Variants in KYAT1 observed in about 807,000 individuals in gnomAD.
KYAT1 encodes kynurenine--oxoglutarate transaminase 1.
In KYAT1, 47 loss-of-function variants were observed where a neutral mutation model predicts 52.4. That is an observed-to-expected ratio of 0.90 (90% confidence interval 0.71 to 1.14). The LOEUF is 1.14. KYAT1 is among the 50% of genes most tolerant of loss of function. The pLI is 0.00. For missense variants in KYAT1, 480 were observed against 557.9 expected, an observed-to-expected ratio of 0.86 and a Z score of 1.41; for synonymous variants, 212 against 209.6, an observed-to-expected ratio of 1.01 and a Z score of -0.10.
At chr9:128,837,642 G>T in intron 6 of KYAT1, 43 bp downstream of exon 6, 2 of 1,611,298 alleles carry the variant, frequency 1.2e-6, no homozygotes, top group South Asian at 2.2e-5. Flanking sequence ...CAGGAGACAT[G>T]ACCAGGTCCG....
chr9:128,865,336 TA>T, intron 1 of KYAT1, among the ~76,000 whole-genome samples: 122 of 2,176 alleles, frequency 0.056, 20 homozygotes, highest in African/African-American at 0.1. Context: ...TATATATATA[TA>T]TATATATATA....
chr9:128,866,006 T>C (rs770846235), intron 1 of KYAT1, among the ~76,000 whole-genome samples: 1 of 152,228 alleles, frequency 6.6e-6, no homozygotes, highest in Non-Finnish European at 1.5e-5. Flanking sequence ...GATTCTCTTC[T>C]GTTCATCTTT....
In KYAT1 at chr9:128,841,361, G is replaced by A. The variant is rs1832124508; in HGVS notation, c.201+1293C>T. Among the ~76,000 whole-genome samples the A allele has an allele frequency of 1.3e-5, 2 of 152,220 alleles. 1 individual carries two copies. Among genetic ancestry groups the A allele is most frequent in the Middle Eastern group, 6.8e-3 (2 of 294 alleles). The stretch of plus-strand genomic sequence containing the variant: ...CTACTAAAAATACAAAAATTAGCTG[G>A]GCATGGTGGCGGGCGCCTGTAATCC... On this transcript the variant is annotated intron_variant, in intron 3 of 12. Transcript: ENST00000302586.
intron 1 of KYAT1, among the ~76,000 whole-genome samples, chr9:128,862,358 T>C (rs902400882): frequency 5.3e-5 from 8 of 152,334 alleles, no homozygotes; most frequent in African/African-American, 1.9e-4. Context: ...TCTGTCCCAA[T>C]ACTTTTGTCA....
At chr9:128,879,304 C>T (rs1467189296) in intron 1 of KYAT1, among the ~76,000 whole-genome samples, 14 of 150,442 alleles carry the variant, frequency 9.3e-5, no homozygotes, top group Admixed American at 3.3e-4. Context: ...AGTGAGACTC[C>T]GTCTCAAAAA....
At chr9:128,840,037 G>A (rs1304661718) in intron 3 of KYAT1, among the ~76,000 whole-genome samples, 2 of 151,872 alleles carry the variant, frequency 1.3e-5, no homozygotes, top group African/African-American at 4.8e-5. Flanking sequence ...ATAAAACTGA[G>A]ACTCTGTCTT....
chr9:128,862,566 C>T (rs1486357988), intron 1 of KYAT1, among the ~76,000 whole-genome samples: 2 of 152,372 alleles, frequency 1.3e-5, no homozygotes, highest in Middle Eastern at 3.4e-3. Flanking sequence ...CTCTGCCCTG[C>T]CCCAGCCTTG....
intron 1 of KYAT1, among the ~76,000 whole-genome samples, chr9:128,863,691 G>C (rs1835775625): frequency 6.6e-6 from 1 of 152,150 alleles, no homozygotes; most frequent in African/African-American, 2.4e-5. Context: ...AACTTGGCCA[G>C]GTTGGTTGGG....
chr9:128,861,125 A>C (rs752026585), intron 1 of KYAT1, among the ~76,000 whole-genome samples: 3 of 152,232 alleles, frequency 2.0e-5, no homozygotes, highest in Non-Finnish European at 2.9e-5. Flanking sequence ...GCCAAACGCA[A>C]TACAATGAAG....
intron 1 of KYAT1, among the ~76,000 whole-genome samples, chr9:128,876,621 A>T (rs1336391472): frequency 6.8e-6 from 1 of 148,084 alleles, no homozygotes; most frequent in East Asian, 2.0e-4. Flanking sequence ...GGGTTTCACC[A>T]TGTTAGCCAG....
intron 1 of KYAT1, among the ~76,000 whole-genome samples, chr9:128,878,527 T>G (rs1838342007): frequency 6.6e-6 from 1 of 152,092 alleles, no homozygotes; most frequent in Non-Finnish European, 1.5e-5. Flanking sequence ...GAATCCAAAT[T>G]TTTTTTGATA....
chr9:128,840,813 C>T, intron 3 of KYAT1: 1 of 294,918 alleles, frequency 3.4e-6, no homozygotes, highest in African/African-American at 2.2e-5. Flanking sequence ...GCCTCAGACT[C>T]CCAAGTAGCT....
In KYAT1 at chr9:128,851,366, G is replaced by A. The variant is rs1833938134; in HGVS notation, c.-6-5955C>T. 2.0e-5 allele frequency among the ~76,000 whole-genome samples: 3 copies of A among 152,140 alleles called. No individual in the cohort carries two copies. In the South Asian group the frequency reaches 6.2e-4, roughly 31 times the overall value. ...CTTGCAGTATGCTTGTGCGCTCGGA[G>A]GAATCCAGGGTAACAATGGGGCAAA... On this transcript the variant is annotated intron_variant, in intron 1 of 12. Coordinates refer to ENST00000302586, the MANE Select transcript of KYAT1 (RefSeq NM_004059.5).
chr9:128,874,667 G>A (rs1183178674), intron 1 of KYAT1, among the ~76,000 whole-genome samples: 1 of 149,888 alleles, frequency 6.7e-6, no homozygotes, highest in East Asian at 2.0e-4. Context: ...TTTCAATGTT[G>A]TGAAATATCT....
chr9:128,870,935 A>C (rs1837130262), intron 1 of KYAT1, among the ~76,000 whole-genome samples: 1 of 149,826 alleles, frequency 6.7e-6, no homozygotes. Flanking sequence ...TGTTAGGTGA[A>C]TTTCACCTCA....
chr9:128,868,794 C>T (rs539760435), intron 1 of KYAT1, among the ~76,000 whole-genome samples: 3 of 151,660 alleles, frequency 2.0e-5, no homozygotes, highest in South Asian at 4.2e-4. Context: ...CAACCTCTGC[C>T]TCTGGGATTC....
chr9:128,876,077 G>C (rs996900457), intron 1 of KYAT1, among the ~76,000 whole-genome samples: 2 of 152,212 alleles, frequency 1.3e-5, no homozygotes, highest in South Asian at 4.1e-4. Flanking sequence ...CTGGAATCCA[G>C]GCTTGGCAGC....
chr9:128,846,600 C>CAAAAAAAAAAA (rs57333664), intron 1 of KYAT1: 24 of 419,218 alleles, frequency 5.7e-5, no homozygotes, highest in East Asian at 1.6e-4. Context: ...AAGACTCTAC[C>CAAAAAAAAAAA]AAAAAAAAAA....
intron 1 of KYAT1, chr9:128,846,695 C>T: frequency 6.5e-7 from 1 of 1,532,350 alleles, no homozygotes; most frequent in South Asian, 1.2e-5. Context: ...CTGGGTGACC[C>T]TGGATAGGTA....
Sources: gnomAD v4.1 joint callset for allele counts (sites outside exome capture counted in the v4.1 genomes callset) on GRCh38, gnomAD v4.1.1 for gene constraint, MANE v1.5 for transcripts, NCBI Gene and HGNC (gene_info 2026-07-23, HGNC 2026-07-21) for gene names.